The following SSBP4 variants were observed in gnomAD, a reference collection of about 807,000 sequenced individuals.
SSBP4 encodes single stranded DNA binding protein 4.
In SSBP4, 33 loss-of-function variants were observed where a neutral mutation model predicts 64.6. The observed-to-expected ratio is 0.51, with a 90% CI of 0.39 to 0.68. SSBP4 has a LOEUF of 0.68. Ranked by LOEUF, SSBP4 falls within the 30% of genes least tolerant of loss-of-function variation. The pLI, the probability that SSBP4 is intolerant of heterozygous loss-of-function variation, is 0.00. For synonymous variants in SSBP4, 243 were observed against 224.0 expected, an observed-to-expected ratio of 1.08 and a Z score of -0.76; for missense variants, 583 against 566.8, an observed-to-expected ratio of 1.03 and a Z score of -0.29.
chr19:18,427,920 G>A lies in SSBP4; in HGVS notation c.217G>A (p.Ala73Thr), dbSNP rs373481359. 132 of 1,613,730 alleles carry A rather than the reference G, an allele frequency of 8.2e-5. No homozygotes were observed. Among genetic ancestry groups the A allele is most frequent in the Non-Finnish European group, 1.0e-4 (123 of 1,179,938 alleles). Residue 73 changes from alanine (A) to threonine (T), a missense_variant, in exon 4 of 18, where the codon GCG (alanine) becomes ACG (threonine). By Grantham distance (58) the Ala-to-Thr change is moderately conservative. This residue lies in a region of SSBP4 where 43 missense variants were observed against 74.2 expected (regional missense o/e 0.58). Coordinates refer to ENST00000270061, the MANE Select transcript of SSBP4 (RefSeq NM_032627.5). The surrounding 1 kb of genome is among the most constrained non-coding windows in gnomAD (Gnocchi z 4.4). ...CAGCGTCTTCTGGGACCTGTACTGC[G>A]CGGCGCCTGACAGAAGAGAGGCCTG... ...WWCVFWDLYC[A>T]APDRREACEH... is the part of the protein sequence containing the mutation.
At chr19:18,429,470 C>CGGGGGGGGGG (rs72317419) in intron 4 of SSBP4, among the ~76,000 whole-genome samples, 5 of 116,556 alleles carry the variant, frequency 4.3e-5, no homozygotes, top group Non-Finnish European at 1.0e-4. Context: ...TCGCAGGGGG[C>CGGGGGGGGGG]GGGGGGGGGG....
upstream of SSBP4, chr19:18,418,990 G>A: frequency 1.0e-6 from 1 of 985,632 alleles, no homozygotes; most frequent in Non-Finnish European, 1.2e-6. The surrounding 1 kb of genome is among the most constrained non-coding windows in gnomAD (Gnocchi z 6.7). Context: ...GTAGCTCTGC[G>A]GGGTGAGACA....
intron 4 of SSBP4, among the ~76,000 whole-genome samples, chr19:18,429,479 GGTGCGGTGGAGCGT>G (rs1360731520): frequency 3.4e-5 from 5 of 147,260 alleles, no homozygotes; most frequent in Non-Finnish European, 7.5e-5. Flanking sequence ...GCGGGGGGGG[GGTGCGGTGGAGCGT>G]CCCCGACCAG....
At position 18,434,246 on chromosome 19, in the gene SSBP4, A is replaced by G. The variant is rs1198497319; in HGVS notation, c.1158A>G (p.Ter386TrpextTer?). The G allele has an allele frequency of 6.2e-7, 1 of 1,611,336 alleles. No individual in the cohort carries two copies. Among genetic ancestry groups the G allele is most frequent in the Admixed American group, 1.7e-5 (1 of 59,958 alleles). ...SYSPGMTMSV[*>W] The stretch of plus-strand genomic sequence containing the variant: ...CGCCAGGGATGACCATGAGCGTGTG[A>G]TGGGGCGGCAGCCCCGGGCCTCTCT... Residue 386 changes from the stop codon to tryptophan, a stop_lost, in exon 18 of 18, where the codon TGA (stop) becomes TGG (tryptophan). Transcript: ENST00000270061.
chr19:18,416,687 G>A (rs887388712), upstream of SSBP4, among the ~76,000 whole-genome samples: 1 of 152,192 alleles, frequency 6.6e-6, no homozygotes, highest in African/African-American at 2.4e-5. Flanking sequence ...CAGCGCCTTC[G>A]CCGTGTGCCC....
At chr19:18,413,194 G>A in the SSBP4 span, among the ~76,000 whole-genome samples, 1 of 144,602 alleles carries the variant, frequency 6.9e-6, no homozygotes, top group African/African-American at 2.6e-5. Flanking sequence ...TATTGTGGAC[G>A]TGGGGGAGGG....
chr19:18,430,511 G>A (rs925596304), intron 4 of SSBP4, among the ~76,000 whole-genome samples: 3 of 152,152 alleles, frequency 2.0e-5, no homozygotes, highest in South Asian at 2.1e-4. Flanking sequence ...TGAAACTGCC[G>A]GTATATTTGT....
rs1388934262 is a variant in SSBP4, at chr19:18,433,811, C to T, written c.1122C>T (p.Ser374=). Residue 374 remains serine, a synonymous_variant, in exon 17 of 18, where the codon AGC becomes AGT. Transcript: ENST00000270061. The part of the protein sequence containing the change: ...AAGTFLHPFP[S]ESYSPGMTMS... ...GGACCTTCCTGCACCCGTTCCCGAG[C>T]GAAAGCGTAAGCGACTGCGTCGACT... 7.0e-7 allele frequency: 1 copy of T among 1,434,082 alleles called. No individual in the cohort carries two copies. Among genetic ancestry groups the T allele is most frequent in the Non-Finnish European group, 9.1e-7 (1 of 1,097,638 alleles). 88.8% of individuals were successfully genotyped at this position (1,434,082 alleles called of 1,614,324 possible).
chr19:18,433,708 A>G lies in SSBP4; in HGVS notation c.1021-2A>G. On this transcript the variant is annotated splice_acceptor_variant, in intron 16 of 17. Coordinates refer to ENST00000270061, the MANE Select transcript of SSBP4 (RefSeq NM_032627.5). LOFTEE classifies it high-confidence loss of function. The stretch of plus-strand genomic sequence containing the variant: ...TTGCGAGCCGACGGCGGCCGCCCCC[A>G]GAGTTCCCCCGGCGCCGTGGCCGGC... The G allele has an allele frequency of 1.4e-6, 2 of 1,429,648 alleles. No homozygotes were observed. The highest frequency in any genetic ancestry group is 1.8e-6 in the Non-Finnish European group (2 of 1,103,028). 88.6% of individuals were successfully genotyped at this position (1,429,648 alleles called of 1,614,324 possible). A position where few individuals can be genotyped will look rare whatever the true frequency, so the allele number is the denominator to read the frequency against.
chr19:18,433,229 T>A lies in SSBP4; in HGVS notation c.991+16T>A. The A allele has an allele frequency of 6.4e-7, 1 of 1,550,534 alleles. No homozygotes were observed. The highest frequency in any genetic ancestry group is 8.7e-7 in the Non-Finnish European group (1 of 1,147,268). On this transcript the variant is annotated intron_variant, in intron 15 of 17. Coordinates refer to ENST00000270061, the MANE Select transcript of SSBP4 (RefSeq NM_032627.5). ...GGATCCCTGGGTGAGTGGGCGTCCC[T>A]GCTCCCGCCCACGTTGCCTTCCGGG...
chr19:18,419,604 G>A lies in SSBP4; in HGVS notation c.-45G>A, dbSNP rs1249748841. 4 of 1,242,166 alleles carry A rather than the reference G, an allele frequency of 3.2e-6. No individual in the cohort carries two copies. The highest frequency in any genetic ancestry group is 4.0e-6 in the Non-Finnish European group (4 of 987,890). The allele number at this position is 1,242,166 out of a possible 1,614,324, so 76.9% of individuals were successfully genotyped here. ...GGCGACGGCAAGCGCGGCCCGCGGC[G>A]CCGCCTGACAGGTGTGGGCCCCGGC... On this transcript the variant is annotated 5_prime_UTR_variant, in exon 1 of 18. Transcript: ENST00000270061.
rs1341493838 is a variant in SSBP4, at chr19:18,427,942, C to A, written c.239C>A (p.Ala80Asp). The A allele has an allele frequency of 3.1e-6, 5 of 1,613,546 alleles. No individual in the cohort carries two copies. The highest frequency in any genetic ancestry group is 4.2e-6 in the Non-Finnish European group (5 of 1,179,864). The change falls in exon 4 of 18, where the codon GCC (alanine) becomes GAC (aspartate). Residue 80 changes from alanine (A) to aspartate (D), a missense_variant. Physicochemically the swap from Ala to Asp is moderately radical, Grantham distance 126. Transcript: ENST00000270061. This position sits in a 1 kb window ranked among gnomAD's most constrained non-coding sequence, Gnocchi z 4.4. ...LYCAAPDRRE[A>D]CEHSGEAKAF... Reference sequence around the variant, plus strand: ...TGCGCGGCGCCTGACAGAAGAGAGGCCTGCGAGCACTCCGGCGAGGCCAAG... The same window carrying A: ...TGCGCGGCGCCTGACAGAAGAGAGGACTGCGAGCACTCCGGCGAGGCCAAG...
chr19:18,426,767 C>G lies in SSBP4; in HGVS notation c.60-584C>G, dbSNP rs945083086. ...CATGGCACTGCAGGCCCTACCTCCC[C>G]TGGCCCCCCACCTCCATTCCCCAGA... On this transcript the variant is annotated intron_variant, in intron 1 of 17. Transcript: ENST00000270061. The surrounding 1 kb of genome is among the most constrained non-coding windows in gnomAD (Gnocchi z 4.5). Among the ~76,000 whole-genome samples, 1 of 152,182 alleles carries G rather than the reference C, an allele frequency of 6.6e-6. No homozygotes were observed.
At position 18,434,237 on chromosome 19, in the gene SSBP4, G is replaced by A. The variant is rs756156511; in HGVS notation, c.1149G>A (p.Met383Ile). 3.7e-6 allele frequency: 6 copies of A among 1,611,838 alleles called. No individual in the cohort carries two copies. The highest frequency in any genetic ancestry group is 2.2e-5 in the South Asian group (2 of 91,024). The change falls in exon 18 of 18, where the codon ATG becomes ATA. Residue 383 changes from methionine to isoleucine, a missense_variant. Physicochemically the swap from Met to Ile is conservative, Grantham distance 10. Around this residue, in one of 5 missense-constraint regions of SSBP4, gnomAD observed 26 missense variants for 21.8 expected, o/e 1.19. Coordinates refer to ENST00000270061, the MANE Select transcript of SSBP4 (RefSeq NM_032627.5). ...CGCAGTACTCGCCAGGGATGACCAT[G>A]AGCGTGTGATGGGGCGGCAGCCCCG... ...PSESYSPGMTMSV is the reference protein window; with the variant it reads ...PSESYSPGMTISV
At chr19:18,429,231 AGGCGGGGGAGGGG>A (rs950411954) in intron 4 of SSBP4, among the ~76,000 whole-genome samples, 2 of 150,844 alleles carry the variant, frequency 1.3e-5, no homozygotes, top group Non-Finnish European at 3.0e-5. Flanking sequence ...TCGCCCTCCG[AGGCGGGGGAGGGG>A]GGCGGGGGGG....
chr19:18,410,275 C>T, the SSBP4 span, among the ~76,000 whole-genome samples: 5 of 152,108 alleles, frequency 3.3e-5, no homozygotes, highest in Non-Finnish European at 7.4e-5. Context: ...GGATTACAGG[C>T]GTGAGCCACC....
In SSBP4 at chr19:18,419,447, T is replaced by C. The variant is rs1253444790; in HGVS notation, c.-202T>C. On this transcript the variant is annotated 5_prime_UTR_variant, in exon 1 of 18. Coordinates refer to ENST00000270061, the MANE Select transcript of SSBP4 (RefSeq NM_032627.5). ...GGAAAGGGAGGAAAAAAAGCCACCCTGCGGCCGGGGCCGGAGCTGGAGCCG... is the reference window on the plus strand; with the variant it reads ...GGAAAGGGAGGAAAAAAAGCCACCCCGCGGCCGGGGCCGGAGCTGGAGCCG... 2.8e-6 allele frequency: 3 copies of C among 1,054,944 alleles called. No individual in the cohort carries two copies. The East Asian group carries it at 2.3e-4, about 82-fold the overall frequency. The allele number at this position is 1,054,944 out of a possible 1,614,324, so 65.3% of individuals were successfully genotyped here.
the SSBP4 span, among the ~76,000 whole-genome samples, chr19:18,402,868 C>T: frequency 1.3e-5 from 2 of 152,138 alleles, no homozygotes; most frequent in Non-Finnish European, 2.9e-5. Flanking sequence ...ATCTGATCGT[C>T]CCCCCAGCCC....
intron 4 of SSBP4, among the ~76,000 whole-genome samples, chr19:18,430,305 C>T (rs1973246523): frequency 6.6e-6 from 1 of 152,148 alleles, no homozygotes; most frequent in African/African-American, 2.4e-5. Context: ...GTCTGGGCTG[C>T]CACCACAATT....
Sources: allele counts gnomAD v4.1 joint callset (sites outside exome capture counted in the v4.1 genomes callset), GRCh38; gene constraint gnomAD v4.1.1; regional missense constraint gnomAD v4.1.1; non-coding constraint Gnocchi (gnomAD v3.1); transcripts MANE v1.5; gene names NCBI Gene and HGNC (gene_info 2026-07-23, HGNC 2026-07-21).